Variants in OR2L13 observed in about 807,000 individuals in gnomAD.
The protein encoded by OR2L13 is olfactory receptor family 2 subfamily L member 13.
In OR2L13, 14 loss-of-function variants were observed where a neutral mutation model predicts 15.3. The observed-to-expected ratio is 0.91, with a 90% confidence interval of 0.60 to 1.43. The LOEUF is 1.43. Ranked by LOEUF, OR2L13 falls within the 40% of genes most tolerant of loss-of-function variation. OR2L13 has a pLI of 0.00. For synonymous variants in OR2L13, 152 were observed against 142.9 expected, an observed-to-expected ratio of 1.06 and a Z score of -0.45; for missense variants, 367 against 387.9, an observed-to-expected ratio of 0.95 and a Z score of 0.45.
At chr1:248,085,436 T>TAAAATAAAATAAAATAAAAAATAA in the OR2L13 span, among the ~76,000 whole-genome samples, 3 of 84,552 alleles carry the variant, frequency 3.5e-5, 1 homozygote, top group Admixed American at 2.9e-4. Context: ...TAAAATAAAA[T>TAAAATAAAATAAAATAAAAAATAA]AATAAAATAA....
At chr1:247,961,536 A>G in the OR2L13 span, among the ~76,000 whole-genome samples, 1 of 152,170 alleles carries the variant, frequency 6.6e-6, no homozygotes, top group African/African-American at 2.4e-5. Context: ...GATTCAAGGA[A>G]GGCAAAGACT....
At chr1:248,039,034 A>G in the OR2L13 span, 28 of 1,614,100 alleles carry the variant, frequency 1.7e-5, no homozygotes, top group South Asian at 2.6e-4. Flanking sequence ...CCCTTTGCTT[A>G]TACCTATGTA....
At chr1:248,060,651 C>T in the OR2L13 span, 1 of 1,549,870 alleles carries the variant, frequency 6.5e-7, no homozygotes, top group South Asian at 1.2e-5. Flanking sequence ...ACCCTTGTGT[C>T]TCCCTTCAGG....
chr1:248,096,871 T>G (rs1418079168), upstream of OR2L13, among the ~76,000 whole-genome samples: 1 of 152,206 alleles, frequency 6.6e-6, no homozygotes, highest in African/African-American at 2.4e-5. Context: ...AGTAGCCCCC[T>G]TTAAATTATC....
chr1:248,066,260 T>C, the OR2L13 span, among the ~76,000 whole-genome samples: 1 of 152,240 alleles, frequency 6.6e-6, no homozygotes, highest in South Asian at 2.1e-4. Flanking sequence ...AAAACTTATA[T>C]GCTTTTCCCT....
chr1:248,038,053 A>G, the OR2L13 span: 2 of 439,022 alleles, frequency 4.6e-6, no homozygotes, highest in Admixed American at 7.9e-5. Context: ...TTTTATTTGT[A>G]GTTATTTTTG....
chr1:247,999,360 A>G, the OR2L13 span, among the ~76,000 whole-genome samples: 3 of 152,242 alleles, frequency 2.0e-5, no homozygotes, highest in East Asian at 1.9e-4. Context: ...TTACTGGTGT[A>G]TCTATCTGTG....
the OR2L13 span, among the ~76,000 whole-genome samples, chr1:247,956,504 G>A: frequency 3.3e-5 from 5 of 150,628 alleles, no homozygotes; most frequent in African/African-American, 1.2e-4. Context: ...GCTTGATGGG[G>A]ATGGCATTGA....
exon 3 of OR2L13, chr1:248,100,334 C>T (rs368845198): frequency 2.1e-6 from 3 of 1,408,738 alleles, no homozygotes; most frequent in Non-Finnish European, 3.0e-6. Context: ...TCCCCACTCC[C>T]TTTGTATTTC....
the OR2L13 span, among the ~76,000 whole-genome samples, chr1:248,076,747 G>C: frequency 6.6e-6 from 1 of 152,208 alleles, no homozygotes; most frequent in East Asian, 1.9e-4. Context: ...TTTGGGCTGA[G>C]ATGATGGGGT....
the OR2L13 span, among the ~76,000 whole-genome samples, chr1:248,076,603 T>C: frequency 6.6e-6 from 1 of 152,174 alleles, no homozygotes; most frequent in African/African-American, 2.4e-5. Flanking sequence ...ATTCTCTTTG[T>C]AGCAGTTGTG....
chr1:248,063,846 G>A, the OR2L13 span, among the ~76,000 whole-genome samples: 17 of 152,254 alleles, frequency 1.1e-4, no homozygotes, highest in Admixed American at 8.5e-4. Context: ...CAGGCAAATT[G>A]CCCCACGTGG....
the OR2L13 span, among the ~76,000 whole-genome samples, chr1:248,068,335 T>A: frequency 2.0e-5 from 3 of 151,942 alleles, no homozygotes; most frequent in African/African-American, 7.2e-5. Context: ...GTATTCGCGG[T>A]TCATGAAAAT....
chr1:248,067,211 T>C, the OR2L13 span, among the ~76,000 whole-genome samples: 1 of 152,210 alleles, frequency 6.6e-6, no homozygotes, highest in South Asian at 2.1e-4. Context: ...ATAAAGTGTA[T>C]TGAAAATCTC....
At chr1:248,027,055 C>T in the OR2L13 span, among the ~76,000 whole-genome samples, 1 of 152,156 alleles carries the variant, frequency 6.6e-6, no homozygotes, top group East Asian at 1.9e-4. Flanking sequence ...CTTTCAAAAG[C>T]AAATAGGAGA....
At chr1:248,100,495 TAAC>T (rs1196942100) in exon 3 of OR2L13, 2 of 325,242 alleles carry the variant, frequency 6.1e-6, no homozygotes, top group South Asian at 1.0e-4. Context: ...ATATTAATAT[TAAC>T]AATATTGATG....
the OR2L13 span, chr1:247,990,762 C>T: frequency 6.2e-7 from 1 of 1,601,070 alleles, no homozygotes; most frequent in Non-Finnish European, 8.6e-7. Context: ...CACTCCGTAT[C>T]CCATATTGCA....
chr1:247,941,200 C>T, the OR2L13 span, among the ~76,000 whole-genome samples: 2 of 152,086 alleles, frequency 1.3e-5, no homozygotes, highest in Non-Finnish European at 2.9e-5. Flanking sequence ...TGTAGGTTGG[C>T]TGTTTCCTCT....
At chr1:248,090,030 C>G in the OR2L13 span, among the ~76,000 whole-genome samples, 1 of 152,172 alleles carries the variant, frequency 6.6e-6, no homozygotes, top group Non-Finnish European at 1.5e-5. Context: ...ACCTCTTCCT[C>G]CCTCCCTTTA....
Sources: gnomAD v4.1 joint callset for allele counts (sites outside exome capture counted in the v4.1 genomes callset) on GRCh38, gnomAD v4.1.1 for gene constraint, MANE v1.5 for transcripts, NCBI Gene and HGNC (gene_info 2026-07-23, HGNC 2026-07-21) for gene names.